LMBR1: variants seen among roughly 807,000 people sequenced by gnomAD.
LMBR1 encodes the protein limb region 1 protein homolog.
In LMBR1, 52 loss-of-function variants were observed where a neutral mutation model predicts 73.9. The observed-to-expected ratio is 0.70, with a 90% confidence interval of 0.56 to 0.89. LMBR1 has a LOEUF of 0.89. LMBR1 is among the 40% of genes least tolerant of loss of function. The probability of loss-of-function intolerance (pLI) is 0.00; values close to 1 mark genes in which losing one functional copy is unlikely to be tolerated. For missense variants in LMBR1, 539 were observed against 579.8 expected (o/e 0.93, Z 0.72); for synonymous variants, 215 against 209.4 (o/e 1.03, Z -0.23).
chr7:156,886,371 A>T (rs1398935947), intron 1 of LMBR1, among the ~76,000 whole-genome samples: 1 of 152,236 alleles, frequency 6.6e-6, no homozygotes, highest in Non-Finnish European at 1.5e-5. Flanking sequence ...GGTCATGCAC[A>T]TGCAGGCTGA....
At chr7:156,713,006 T>G (rs941249586) in intron 15 of LMBR1, among the ~76,000 whole-genome samples, 15 of 152,122 alleles carry the variant, frequency 9.9e-5, no homozygotes, top group Admixed American at 9.8e-4. Context: ...CCTGTAAATT[T>G]ATACAAAAAT....
chr7:156,795,641 C>A lies in LMBR1; in HGVS notation c.423+748G>T, dbSNP rs1829945467. ...ATCACAGCTCACACCACAGCTTCAACCTGCAGGCTCAAGCAATCCTCCCAC... is the reference window on the plus strand; with the variant it reads ...ATCACAGCTCACACCACAGCTTCAAACTGCAGGCTCAAGCAATCCTCCCAC... On this transcript the variant is annotated intron_variant, in intron 5 of 16. Coordinates refer to ENST00000353442, the MANE Select transcript of LMBR1 (RefSeq NM_022458.4). Among the ~76,000 whole-genome samples the A allele has an allele frequency of 2.6e-5, 4 of 152,270 alleles. No individual in the cohort carries two copies. In the South Asian group the frequency reaches 8.3e-4, roughly 32 times the overall value.
chr7:156,730,994 C>A (rs1816742051), intron 10 of LMBR1, among the ~76,000 whole-genome samples: 2 of 151,868 alleles, frequency 1.3e-5, no homozygotes, highest in Non-Finnish European at 2.9e-5. Context: ...AAACAGACCT[C>A]CAGGTGATCC....
rs567633649 is a variant in LMBR1 at position 156,683,383 on chromosome 7, C to G, written c.*695G>C. The G allele has an allele frequency of 2.0e-5, 3 of 152,744 alleles. No homozygotes were observed. The South Asian group carries it at 6.2e-4, about 32-fold the overall frequency. 9.5% of individuals were successfully genotyped at this position (152,744 alleles called of 1,614,324 possible). On this transcript the variant is annotated 3_prime_UTR_variant, in exon 17 of 17. Coordinates refer to ENST00000353442, the MANE Select transcript of LMBR1 (RefSeq NM_022458.4). The stretch of plus-strand genomic sequence containing the variant: ...GTCATTAAACTGTGATTACATGATA[C>G]TTCCTACCACAGCTTATTAGACTGT...
Position 156,762,489 on chromosome 7 carries a change from A to G in LMBR1, c.620-291T>C, listed in dbSNP as rs1176007179. Among the ~76,000 whole-genome samples the G allele has an allele frequency of 3.9e-5, 6 of 152,250 alleles. No individual in the cohort carries two copies. The East Asian group carries it at 1.2e-3, about 29-fold the overall frequency. On this transcript the variant is annotated intron_variant, in intron 7 of 16. Coordinates refer to ENST00000353442, the MANE Select transcript of LMBR1 (RefSeq NM_022458.4). Reference sequence around the variant, plus strand: ...TTCTAGCAGTTGAATAATAATAAATACTTTTGCTTAAAATAAAGAAAAATT... The same window carrying G: ...TTCTAGCAGTTGAATAATAATAAATGCTTTTGCTTAAAATAAAGAAAAATT...
intron 1 of LMBR1, among the ~76,000 whole-genome samples, chr7:156,843,789 T>C (rs1839127129): frequency 7.0e-6 from 1 of 142,750 alleles, no homozygotes; most frequent in Non-Finnish European, 1.5e-5. Context: ...TGAGCCAAGA[T>C]GGGGCCACTG....
At chr7:156,872,829 C>G (rs909285598) in intron 1 of LMBR1, among the ~76,000 whole-genome samples, 3 of 152,154 alleles carry the variant, frequency 2.0e-5, no homozygotes, top group African/African-American at 7.2e-5. Flanking sequence ...AGACTCACAT[C>G]GTGAACCTTT....
At position 156,683,148 on chromosome 7, in the gene LMBR1, A is replaced by G. The variant is rs1805359262; in HGVS notation, c.*930T>C. On this transcript the variant is annotated 3_prime_UTR_variant, in exon 17 of 17. Coordinates refer to ENST00000353442, the MANE Select transcript of LMBR1 (RefSeq NM_022458.4). ...ATGCAAATGTAACCAAAGCCTGAGG[A>G]CTATGAAGAAAGAGGAGTTTCTACC... is the stretch of plus-strand genomic sequence containing the variant. 1 of 152,216 alleles carries G rather than the reference A, an allele frequency of 6.6e-6. No homozygotes were observed. The highest frequency in any genetic ancestry group is 2.4e-5 in the African/African-American group (1 of 41,442). The allele number at this position is 152,216 out of a possible 1,614,324, so 9.4% of individuals were successfully genotyped here. A position where few individuals can be genotyped will look rare whatever the true frequency, so the allele number is the denominator to read the frequency against.
chr7:156,677,577 T>G (rs1466570643), downstream of LMBR1, among the ~76,000 whole-genome samples: 1 of 152,068 alleles, frequency 6.6e-6, no homozygotes, highest in East Asian at 1.9e-4. Context: ...AAGGGCAGGG[T>G]GTAGGCCTAA....
chr7:156,767,040 C>A (rs1057148123), intron 5 of LMBR1, among the ~76,000 whole-genome samples: 1 of 152,310 alleles, frequency 6.6e-6, no homozygotes, highest in Non-Finnish European at 1.5e-5. Flanking sequence ...CCTTGCTTAA[C>A]GGTGTGGGCC....
At chr7:156,675,743 T>C (rs1428648182), downstream of LMBR1, 2 of 1,613,630 alleles carry the variant, frequency 1.2e-6, no homozygotes, top group Non-Finnish European at 1.7e-6. Flanking sequence ...ACACCAACAT[T>C]GAAGAGCTCT....
chr7:156,827,662 T>C (rs1401366734), intron 3 of LMBR1, among the ~76,000 whole-genome samples: 4 of 152,126 alleles, frequency 2.6e-5, no homozygotes, highest in Admixed American at 1.3e-4. Flanking sequence ...TAAAGTTCTA[T>C]TAAAGTTAAT....
chr7:156,856,705 C>G (rs1396879610), intron 1 of LMBR1, among the ~76,000 whole-genome samples: 1 of 143,276 alleles, frequency 7.0e-6, no homozygotes, highest in Non-Finnish European at 1.5e-5. Flanking sequence ...GACTCCATCT[C>G]AAACAAAAAA....
At chr7:156,824,110 ACAACAACAAC>A (rs911339929) in intron 4 of LMBR1, among the ~76,000 whole-genome samples, 4 of 151,306 alleles carry the variant, frequency 2.6e-5, no homozygotes, top group Admixed American at 6.6e-5. Context: ...AACAACAACA[ACAACAACAAC>A]AACAACAATA....
chr7:156,684,735 T>C (rs1359183082), intron 16 of LMBR1, among the ~76,000 whole-genome samples: 1 of 152,092 alleles, frequency 6.6e-6, no homozygotes, highest in African/African-American at 2.4e-5. Context: ...GGTGGAAGGA[T>C]CGTTTGAGCT....
intron 8 of LMBR1, among the ~76,000 whole-genome samples, chr7:156,757,149 G>T (rs1168196352): frequency 6.6e-6 from 1 of 152,122 alleles, no homozygotes; most frequent in Non-Finnish European, 1.5e-5. Context: ...CAGCCAAAAA[G>T]CTAACTACGG....
rs571161922 is a variant in LMBR1, at chr7:156,802,172, G to A, written c.320-5680C>T. Among the ~76,000 whole-genome samples, 6 of 152,248 alleles carry A rather than the reference G, an allele frequency of 3.9e-5. No homozygotes were observed. The South Asian group carries it at 6.2e-4, about 16-fold the overall frequency. On this transcript the variant is annotated intron_variant, in intron 4 of 16. Coordinates refer to ENST00000353442, the MANE Select transcript of LMBR1 (RefSeq NM_022458.4). ...TAATTTTTGTATTTTCAGTGGAGACGGAGTTTCACCATGTTGGCTGGGCTG... is the reference window on the plus strand; with the variant it reads ...TAATTTTTGTATTTTCAGTGGAGACAGAGTTTCACCATGTTGGCTGGGCTG...
intron 4 of LMBR1, among the ~76,000 whole-genome samples, chr7:156,807,958 A>T (rs1411304002): frequency 2.0e-5 from 3 of 152,098 alleles, no homozygotes; most frequent in Non-Finnish European, 4.4e-5. Context: ...ACACTTATTT[A>T]ATTTCATTGT....
In LMBR1 at chr7:156,892,736, G is replaced by A. The variant is rs111862968; in HGVS notation, c.66+192C>T. 12,398 of 394,124 alleles carry A rather than the reference G, an allele frequency of 0.031. 267 individuals carry two copies. Among genetic ancestry groups the A allele is most frequent in the South Asian group, 0.063 (1,283 of 20,306 alleles). 24.4% of individuals were successfully genotyped at this position (394,124 alleles called of 1,614,324 possible). On this transcript the variant is annotated intron_variant, in intron 1 of 16. Transcript: ENST00000353442. ...AGAGGAAGCGAAGGGGAGGGGAGGGGAGAGGAGAGGTGGGGAGGGAAGGGG... is the reference window on the plus strand; with the variant it reads ...AGAGGAAGCGAAGGGGAGGGGAGGGAAGAGGAGAGGTGGGGAGGGAAGGGG...
Sources: allele counts gnomAD v4.1 joint callset (sites outside exome capture counted in the v4.1 genomes callset), GRCh38; gene constraint gnomAD v4.1.1; transcripts MANE v1.5; gene names NCBI Gene and HGNC (gene_info 2026-07-23, HGNC 2026-07-21).